The following NEK6 variants were observed in gnomAD, a reference collection of about 807,000 sequenced individuals.
The protein encoded by NEK6 is serine/threonine-protein kinase Nek6.
Under a neutral mutation model 43.5 loss-of-function variants are expected in NEK6, and 27 were observed. The ratio of observed to expected loss-of-function variants is 0.62; its 90% CI spans 0.46 to 0.86. NEK6 has a LOEUF of 0.86. Ranked by LOEUF, NEK6 falls within the 40% of genes least tolerant of loss-of-function variation. The pLI, the probability that NEK6 is intolerant of heterozygous loss-of-function variation, is 0.00. For missense variants in NEK6, 318 were observed against 414.4 expected, an observed-to-expected ratio of 0.77 and a Z score of 2.02; for synonymous variants, 167 against 164.1, an observed-to-expected ratio of 1.02 and a Z score of -0.14.
intron 8 of NEK6, among the ~76,000 whole-genome samples, chr9:124,340,334 G>A (rs1432695362): frequency 3.9e-5 from 6 of 152,192 alleles, no homozygotes; most frequent in Admixed American, 2.0e-4. Flanking sequence ...GGTGTGGGGA[G>A]CATGAGCCAC....
chr9:124,339,912 CA>C (rs1829505347), intron 8 of NEK6, among the ~76,000 whole-genome samples: 1 of 152,048 alleles, frequency 6.6e-6, no homozygotes, highest in African/African-American at 2.4e-5. Context: ...GAAGGGAAGA[CA>C]GAGGGAGCAC....
chr9:124,336,315 G>C (rs1407130723), intron 7 of NEK6, among the ~76,000 whole-genome samples: 1 of 152,128 alleles, frequency 6.6e-6, no homozygotes, highest in African/African-American at 2.4e-5. Flanking sequence ...GTTTTGTAAA[G>C]AACTGTCCTC....
Position 124,311,237 on chromosome 9 carries a change from C to T in NEK6, c.91-1272C>T, listed in dbSNP as rs184169175. On this transcript the variant is annotated intron_variant, in intron 2 of 9. Transcript: ENST00000320246. ...CCTAAAGACGCCTCGGTACGGTGCCCGGCTCAGTGTGACCCTCACCAAAGA... is the reference window on the plus strand; with the variant it reads ...CCTAAAGACGCCTCGGTACGGTGCCTGGCTCAGTGTGACCCTCACCAAAGA... Among the ~76,000 whole-genome samples, 332 of 152,314 alleles carry T rather than the reference C, an allele frequency of 2.2e-3. 7 individuals are homozygous for T. Among genetic ancestry groups the T allele is most frequent in the African/African-American group, 7.5e-3 (313 of 41,568 alleles).
intron 7 of NEK6, among the ~76,000 whole-genome samples, chr9:124,334,666 AG>A (rs1829196714): frequency 6.6e-6 from 1 of 152,252 alleles, no homozygotes; most frequent in Admixed American, 6.5e-5. Context: ...CTCCCTGGCC[AG>A]GGGAGGGGAC....
At chr9:124,302,502 C>A (rs1001524669) in intron 2 of NEK6, among the ~76,000 whole-genome samples, 1 of 152,248 alleles carries the variant, frequency 6.6e-6, no homozygotes, top group Non-Finnish European at 1.5e-5. Flanking sequence ...CCCCCTTCAG[C>A]CTCTTCTAGA....
intron 2 of NEK6, 52 bp downstream of exon 2, chr9:124,302,106 G>A (rs2274779): frequency 0.046 from 61,043 of 1,341,376 alleles, 1,677 homozygotes; most frequent in East Asian, 0.092. Flanking sequence ...CAAGGAATAC[G>A]GATCCCTGAG....
intron 1 of NEK6, among the ~76,000 whole-genome samples, chr9:124,268,511 A>T (rs1365365867): frequency 6.6e-6 from 1 of 152,168 alleles, no homozygotes; most frequent in Admixed American, 6.5e-5. Flanking sequence ...ACTCATGGAG[A>T]TGCAGAAATG....
chr9:124,337,027 GCCT>G (rs988106924), intron 7 of NEK6, among the ~76,000 whole-genome samples: 21 of 151,124 alleles, frequency 1.4e-4, no homozygotes, highest in African/African-American at 4.6e-4. Flanking sequence ...CCGGGCCTAT[GCCT>G]CCAGAATAGC....
intron 9 of NEK6, 90 bp from the exon 10 acceptor site, chr9:124,350,747 A>ATGAAGTGCCTT: frequency 5.7e-6 from 5 of 878,488 alleles, no homozygotes; most frequent in African/African-American, 1.7e-5. Flanking sequence ...TGCTCTGAGG[A>ATGAAGTGCCTT]TGAAGTGCCT....
rs140130913 is a variant in NEK6, at chr9:124,266,112, G to A, written c.-30+8027G>A. ...GAGGGCTGAGAGGGCTGGGGTGAAG[G>A]GCAGGTAGACCCCAAGGTGGAGAGG... On this transcript the variant is annotated intron_variant, in intron 1 of 9. Transcript: ENST00000320246. Among the ~76,000 whole-genome samples the A allele has an allele frequency of 4.7e-4, 72 of 152,326 alleles. No homozygotes were observed. In the East Asian group the frequency reaches 0.014, roughly 29 times the overall value.
chr9:124,268,283 T>C (rs1359645484), intron 1 of NEK6, among the ~76,000 whole-genome samples: 1 of 152,210 alleles, frequency 6.6e-6, no homozygotes, highest in Non-Finnish European at 1.5e-5. Context: ...ATTAGCTAAT[T>C]AAGTGGTTTA....
chr9:124,341,377 G>A (rs191990470), intron 8 of NEK6, among the ~76,000 whole-genome samples: 8 of 145,826 alleles, frequency 5.5e-5, no homozygotes, highest in African/African-American at 1.3e-4. Context: ...CAGCAGATGC[G>A]GGTGACAAGA....
chr9:124,326,213 C>CCCCCCCCCCCCCCCCCCCCCA lies in NEK6; in HGVS notation c.406-117_406-116insCCCCCCCCCCCCCCCCCCCCA. On this transcript the variant is annotated intron_variant, in intron 5 of 9. Coordinates refer to ENST00000320246, the MANE Select transcript of NEK6 (RefSeq NM_014397.6). The surrounding 1 kb of genome is among the most constrained non-coding windows in gnomAD (Gnocchi z 4.5). Reference sequence around the variant, plus strand: ...GCTCAGTGGCTCAATCCCCCCCCCCCGCCCCTGCCAGGCACCAGTTACCCA... The same window carrying CCCCCCCCCCCCCCCCCCCCCA: ...GCTCAGTGGCTCAATCCCCCCCCCCCCCCCCCCCCCCCCCCCCCCCAGCCCCTGCCAGGCACCAGTTACCCA... The CCCCCCCCCCCCCCCCCCCCCA allele has an allele frequency of 1.1e-5, 2 of 178,956 alleles. No individual in the cohort carries two copies. Among genetic ancestry groups the CCCCCCCCCCCCCCCCCCCCCA allele is most frequent in the Non-Finnish European group, 2.7e-5 (2 of 74,258 alleles). 11.1% of individuals were successfully genotyped at this position (178,956 alleles called of 1,614,324 possible).
chr9:124,345,548 C>G (rs1298639936), intron 8 of NEK6, among the ~76,000 whole-genome samples: 1 of 152,168 alleles, frequency 6.6e-6, no homozygotes, highest in Non-Finnish European at 1.5e-5. Context: ...CTCCCCTCAG[C>G]GTTCTGGGGC....
chr9:124,285,465 C>G (rs957659251), intron 1 of NEK6, among the ~76,000 whole-genome samples: 3 of 152,126 alleles, frequency 2.0e-5, no homozygotes, highest in African/African-American at 7.2e-5. Flanking sequence ...AGGCTCTCAG[C>G]AAGGCTCAAA....
intron 1 of NEK6, among the ~76,000 whole-genome samples, chr9:124,296,664 A>G (rs922235819): frequency 4.6e-5 from 7 of 152,218 alleles, no homozygotes; most frequent in African/African-American, 1.7e-4. Context: ...ACCCCAGTAC[A>G]CATGGACCCT....
At chr9:124,323,658 G>T (rs1346636663) in intron 5 of NEK6, among the ~76,000 whole-genome samples, 1 of 152,136 alleles carries the variant, frequency 6.6e-6, no homozygotes, top group Non-Finnish European at 1.5e-5. Context: ...CAGATGGGGG[G>T]CTGGGGCTGG....
chr9:124,290,339 C>T (rs1258024456), intron 1 of NEK6, among the ~76,000 whole-genome samples: 1 of 152,226 alleles, frequency 6.6e-6, no homozygotes, highest in Non-Finnish European at 1.5e-5. Flanking sequence ...ACTGGGAGTC[C>T]GGCCCCCAGG....
At chr9:124,303,446 G>A (rs1473462758) in intron 2 of NEK6, among the ~76,000 whole-genome samples, 1 of 152,216 alleles carries the variant, frequency 6.6e-6, no homozygotes, top group African/African-American at 2.4e-5. Flanking sequence ...AGGCAGGTAG[G>A]TCTGAAATCC....
Sources: gnomAD v4.1 joint callset for allele counts (sites outside exome capture counted in the v4.1 genomes callset) on GRCh38, gnomAD v4.1.1 for gene constraint, Gnocchi (gnomAD v3.1) non-coding constraint, MANE v1.5 for transcripts, NCBI Gene and HGNC (gene_info 2026-07-23, HGNC 2026-07-21) for gene names.